The following TMEM38B variants were observed in gnomAD, a reference collection of about 807,000 sequenced individuals.
TMEM38B encodes transmembrane protein 38B.
TMEM38B carries 24 observed loss-of-function variants against 28.7 expected under a neutral mutation model. The ratio of observed to expected loss-of-function variants is 0.84; its 90% CI spans 0.61 to 1.18. The LOEUF (loss-of-function observed/expected upper bound fraction) is 1.18, where lower values mean the gene tolerates loss of function less well. TMEM38B is among the 50% of genes most tolerant of loss of function. The probability of loss-of-function intolerance (pLI) is 0.00; values close to 1 mark genes in which losing one functional copy is unlikely to be tolerated. For missense variants in TMEM38B, 380 were observed against 350.9 expected (o/e 1.08, Z -0.66); for synonymous variants, 131 against 127.7 (o/e 1.03, Z -0.17).
chr9:105,773,893 C>G lies in TMEM38B; in HGVS notation c.689C>G (p.Thr230Ser), dbSNP rs370443289. 6.2e-7 allele frequency: 1 copy of G among 1,613,642 alleles called. No individual in the cohort carries two copies. Among genetic ancestry groups the G allele is most frequent in the Non-Finnish European group, 8.5e-7 (1 of 1,179,702 alleles). Residue 230 changes from threonine to serine, a missense_variant, in exon 6 of 6, where the codon ACT becomes AGT. Coordinates refer to ENST00000374692, the MANE Select transcript of TMEM38B (RefSeq NM_018112.3). ...ACCATGATGACTACACAGACTTCTA[C>G]TATGACATTTGCTCCTTTTGAGGAT... is the stretch of plus-strand genomic sequence containing the variant. ...KITMMTTQTS[T>S]MTFAPFEDTL...
chr9:105,705,770 G>A lies in TMEM38B; in HGVS notation c.269+17G>A. The A allele has an allele frequency of 2.5e-6, 4 of 1,595,808 alleles. No individual in the cohort carries two copies. The highest frequency in any genetic ancestry group is 3.4e-6 in the Non-Finnish European group (4 of 1,172,382). ...TTCAATCTGGTAAGCTGCCAGTATG[G>A]TGACCTATGTGACATTTAAACAATT... On this transcript the variant is annotated intron_variant, in intron 2 of 5. Coordinates refer to ENST00000374692, the MANE Select transcript of TMEM38B (RefSeq NM_018112.3).
intron 4 of TMEM38B, among the ~76,000 whole-genome samples, chr9:105,732,220 A>C (rs1270470734): frequency 6.6e-6 from 1 of 152,094 alleles, no homozygotes; most frequent in African/African-American, 2.4e-5. Flanking sequence ...ACTTTGTCAG[A>C]TGGGTAGATT....
At chr9:105,730,173 C>T (rs1425519873) in intron 4 of TMEM38B, among the ~76,000 whole-genome samples, 1 of 152,208 alleles carries the variant, frequency 6.6e-6, no homozygotes, top group Non-Finnish European at 1.5e-5. Context: ...AAAGGGAATG[C>T]GTCCAGTTTT....
chr9:105,728,243 GCCCCCCAGCCCCCAA>G (rs1232495562), intron 4 of TMEM38B, among the ~76,000 whole-genome samples: 1 of 150,928 alleles, frequency 6.6e-6, no homozygotes, highest in Non-Finnish European at 1.5e-5. Flanking sequence ...CTCTCTCCCA[GCCCCCCAGCCCCCAA>G]CAAGCCCCCG....
chr9:105,758,444 T>C, intron 5 of TMEM38B: 4 of 1,380,304 alleles, frequency 2.9e-6, no homozygotes, highest in East Asian at 2.3e-5. Context: ...TTAAAAAATA[T>C]GGCAGTTGTT....
chr9:105,770,567 C>T (rs1008934716), intron 5 of TMEM38B, among the ~76,000 whole-genome samples: 3 of 151,700 alleles, frequency 2.0e-5, no homozygotes, highest in Non-Finnish European at 2.9e-5. Context: ...AAAATGTAAA[C>T]CCTATGATTT....
At chr9:105,757,069 C>G (rs1837860922) in intron 5 of TMEM38B, among the ~76,000 whole-genome samples, 1 of 152,062 alleles carries the variant, frequency 6.6e-6, no homozygotes, top group Admixed American at 6.6e-5. Flanking sequence ...TCCCACCCTT[C>G]CCCCCAAGTC....
At chr9:105,728,731 C>A (rs1397671256) in intron 4 of TMEM38B, among the ~76,000 whole-genome samples, 1 of 152,206 alleles carries the variant, frequency 6.6e-6, no homozygotes, top group Non-Finnish European at 1.5e-5. Flanking sequence ...CACATCCTCT[C>A]CAGCATCTGT....
chr9:105,726,892 G>T (rs74425701), intron 4 of TMEM38B, among the ~76,000 whole-genome samples: 4 of 151,832 alleles, frequency 2.6e-5, no homozygotes, highest in African/African-American at 7.3e-5. Context: ...ATCCAAGAGA[G>T]TATTTGTAGG....
intron 5 of TMEM38B, chr9:105,759,211 A>G: frequency 1.4e-6 from 1 of 722,640 alleles, no homozygotes; most frequent in Non-Finnish European, 2.5e-6. Flanking sequence ...TTTGAATATT[A>G]TGAATTATTT....
intron 2 of TMEM38B, among the ~76,000 whole-genome samples, chr9:105,719,726 C>T (rs1394526742): frequency 1.3e-5 from 2 of 152,000 alleles, no homozygotes. Flanking sequence ...ATACCGAAGT[C>T]CAAGATTGCT....
chr9:105,760,190 C>A, intron 5 of TMEM38B: 1 of 913,432 alleles, frequency 1.1e-6, no homozygotes, highest in Non-Finnish European at 1.8e-6. Flanking sequence ...CGTATGATTT[C>A]CCAAATGAGT....
intron 5 of TMEM38B, among the ~76,000 whole-genome samples, chr9:105,761,539 C>T (rs1588469451): frequency 6.6e-6 from 1 of 152,148 alleles, no homozygotes; most frequent in East Asian, 1.9e-4. Context: ...ATAATCTCTT[C>T]TGTAAGGTAT....
chr9:105,734,532 G>T (rs776366412), intron 4 of TMEM38B, among the ~76,000 whole-genome samples: 3 of 151,834 alleles, frequency 2.0e-5, no homozygotes, highest in Admixed American at 6.6e-5. Flanking sequence ...TGAAAGTGAG[G>T]TATTGACGTA....
intron 5 of TMEM38B, chr9:105,759,414 A>T (rs527975111): frequency 6.5e-7 from 1 of 1,550,002 alleles, no homozygotes; most frequent in Non-Finnish European, 8.7e-7. Flanking sequence ...GACTACGGAT[A>T]AGCAATCCAG....
At chr9:105,759,051 C>G (rs535846150) in intron 5 of TMEM38B, 10 of 834,080 alleles carry the variant, frequency 1.2e-5, no homozygotes, top group East Asian at 4.8e-5. Context: ...ATCAGATGAC[C>G]TCCCTCACTG....
intron 2 of TMEM38B, among the ~76,000 whole-genome samples, chr9:105,707,069 T>A (rs10978211): frequency 0.1 from 15,905 of 152,180 alleles, 1,290 homozygotes; most frequent in East Asian, 0.46. Flanking sequence ...TGAGCCACCA[T>A]GCCCAGCCTG....
chr9:105,706,205 A>G (rs147646173), intron 2 of TMEM38B, among the ~76,000 whole-genome samples: 8 of 152,188 alleles, frequency 5.3e-5, no homozygotes, highest in African/African-American at 1.9e-4. Context: ...AGCCATGCCA[A>G]AGGCTTTAAG....
chr9:105,697,784 T>G (rs989864358), intron 1 of TMEM38B, among the ~76,000 whole-genome samples: 7 of 152,200 alleles, frequency 4.6e-5, no homozygotes, highest in African/African-American at 1.4e-4. Flanking sequence ...CTATTAATTT[T>G]TTTCTCCTAT....
Sources: gnomAD v4.1 joint callset for allele counts (sites outside exome capture counted in the v4.1 genomes callset) on GRCh38, gnomAD v4.1.1 for gene constraint, MANE v1.5 for transcripts, NCBI Gene and HGNC (gene_info 2026-07-23, HGNC 2026-07-21) for gene names.